Variants in DYNC2H1 observed in about 807,000 individuals in gnomAD.
The protein encoded by DYNC2H1 is dynein cytoplasmic 2 heavy chain 1.
DYNC2H1 carries 410 observed loss-of-function variants against 570.0 expected under a neutral mutation model. The ratio of observed to expected loss-of-function variants is 0.72; its 90% CI spans 0.66 to 0.78. DYNC2H1 has a LOEUF of 0.78. DYNC2H1 is among the 30% of genes least tolerant of loss of function. DYNC2H1 has a pLI of 0.00. For synonymous variants in DYNC2H1, 1,688 were observed against 1,677.6 expected (o/e 1.01, Z -0.15); for missense variants, 4,865 against 5,046.4 (o/e 0.96, Z 1.09).
intron 83 of DYNC2H1, among the ~76,000 whole-genome samples, chr11:103,364,016 G>T (rs1369160796): frequency 6.6e-6 from 1 of 152,032 alleles, no homozygotes; most frequent in African/African-American, 2.4e-5. Context: ...TAAAAAATAT[G>T]CAAATGTCTG....
chr11:103,433,130 A>G (rs1943952907), intron 84 of DYNC2H1, among the ~76,000 whole-genome samples: 2 of 152,044 alleles, frequency 1.3e-5, no homozygotes, highest in Admixed American at 1.3e-4. Flanking sequence ...CATCTCATGT[A>G]TCACTATCAT....
chr11:103,444,585 T>TA (rs964122123), intron 85 of DYNC2H1, among the ~76,000 whole-genome samples: 2 of 152,198 alleles, frequency 1.3e-5, no homozygotes, highest in African/African-American at 4.8e-5. Flanking sequence ...TTATTTCTAA[T>TA]ACATATAAGG....
rs2134696626 is a variant in DYNC2H1 at position 103,116,801 on chromosome 11, C to T, written c.766+87C>T. The T allele has an allele frequency of 2.5e-6, 3 of 1,224,232 alleles. No homozygotes were observed. In the South Asian group the frequency reaches 5.7e-5, roughly 23 times the overall value. 75.8% of individuals were successfully genotyped at this position (1,224,232 alleles called of 1,614,324 possible). The stretch of plus-strand genomic sequence containing the variant: ...ATCCTTTAAGTCCTTACTTAAAATG[C>T]TCCTTTATGTAATACTGTAACTCTT... On this transcript the variant is annotated intron_variant, in intron 5 of 88. Coordinates refer to ENST00000375735, the MANE Select transcript of DYNC2H1 (RefSeq NM_001377.3).
At chr11:103,276,833 T>A (rs1317843508) in intron 70 of DYNC2H1, among the ~76,000 whole-genome samples, 1 of 152,108 alleles carries the variant, frequency 6.6e-6, no homozygotes, top group Non-Finnish European at 1.5e-5. Context: ...TAGGAGCACA[T>A]ACGTGATCCC....
intron 79 of DYNC2H1, among the ~76,000 whole-genome samples, chr11:103,315,284 C>T (rs1937761047): frequency 6.6e-6 from 1 of 151,990 alleles, no homozygotes; most frequent in Non-Finnish European, 1.5e-5. Flanking sequence ...AGATATTTGC[C>T]TCTTGTTTAT....
chr11:103,415,593 CAAT>C (rs1943253558), intron 84 of DYNC2H1, among the ~76,000 whole-genome samples: 1 of 152,158 alleles, frequency 6.6e-6, no homozygotes, highest in Admixed American at 6.5e-5. Context: ...ATCAAAACCA[CAAT>C]GAGATACCAT....
chr11:103,314,254 TCTATATG>T (rs940272783), intron 79 of DYNC2H1, among the ~76,000 whole-genome samples: 7 of 152,168 alleles, frequency 4.6e-5, no homozygotes, highest in Non-Finnish European at 8.8e-5. Flanking sequence ...CATATTAATT[TCTATATG>T]CATTTATGTT....
chr11:103,199,540 TCTTTAAAGAC>T lies in DYNC2H1; in HGVS notation c.8088+67_8088+76del. On this transcript the variant is annotated intron_variant, in intron 49 of 88. Coordinates refer to ENST00000375735, the MANE Select transcript of DYNC2H1 (RefSeq NM_001377.3). This position sits in a 1 kb window ranked among gnomAD's most constrained non-coding sequence, Gnocchi z 4.6. ...ATTACATTGGTTATTACTCTAAACA[TCTTTAAAGAC>T]CTAAAGGTTTAAAGAACTAAAGTTT... 7.2e-7 allele frequency: 1 copy of T among 1,392,558 alleles called. No homozygotes were observed. The highest frequency in any genetic ancestry group is 9.4e-7 in the Non-Finnish European group (1 of 1,066,250). 86.3% of individuals were successfully genotyped at this position (1,392,558 alleles called of 1,614,324 possible).
chr11:103,197,118 T>A (rs1862533619), intron 47 of DYNC2H1, among the ~76,000 whole-genome samples: 1 of 151,722 alleles, frequency 6.6e-6, no homozygotes, highest in Admixed American at 6.6e-5. Flanking sequence ...TGTTTTCTAA[T>A]TGAAATTTGG....
At chr11:103,354,370 A>G (rs1469705406) in intron 82 of DYNC2H1, among the ~76,000 whole-genome samples, 1 of 151,682 alleles carries the variant, frequency 6.6e-6, no homozygotes, top group Non-Finnish European at 1.5e-5. Flanking sequence ...CTCAATGGTT[A>G]TACTAAATTT....
chr11:103,133,669 A>G lies in DYNC2H1; in HGVS notation c.2068A>G (p.Arg690Gly). Residue 690 changes from arginine (R) to glycine (G), a missense_variant, in exon 14 of 89, where the codon AGA becomes GGA. By Grantham distance (125) the Arg-to-Gly change is moderately radical. Coordinates refer to ENST00000375735, the MANE Select transcript of DYNC2H1 (RefSeq NM_001377.3). The surrounding 1 kb of genome is among the most constrained non-coding windows in gnomAD (Gnocchi z 4.8). ...NAAERLATEN[R>G]KLRKWHTTFC... ...TGCTGAACGGCTTGCCACTGAAAAT[A>G]GAAAACTGAGAAAATGGCACACTAC... The G allele has an allele frequency of 1.2e-6, 2 of 1,612,368 alleles. No individual in the cohort carries two copies. Among genetic ancestry groups the G allele is most frequent in the Non-Finnish European group, 1.7e-6 (2 of 1,179,108 alleles).
rs118097068 is a variant in DYNC2H1, at chr11:103,290,195, T to G, written c.11095+2590T>G. 8.4e-3 allele frequency among the ~76,000 whole-genome samples: 1,281 copies of G among 152,136 alleles called. 15 individuals carry two copies. Among genetic ancestry groups the G allele is most frequent in the Non-Finnish European group, 0.014 (944 of 68,002 alleles). On this transcript the variant is annotated intron_variant, in intron 75 of 88. Coordinates refer to ENST00000375735, the MANE Select transcript of DYNC2H1 (RefSeq NM_001377.3). ...CTTCAACATATCTTTTTTTTTGGGTTGGGGGGAGACACAATTTAACCCATA... is the reference window on the plus strand; with the variant it reads ...CTTCAACATATCTTTTTTTTTGGGTGGGGGGGAGACACAATTTAACCCATA...
intron 63 of DYNC2H1, among the ~76,000 whole-genome samples, chr11:103,238,861 G>A (rs1317584179): frequency 4.6e-5 from 7 of 152,172 alleles, no homozygotes; most frequent in Admixed American, 6.5e-5. Context: ...GTATTTGAGA[G>A]ACAGGGAAAA....
At chr11:103,195,006 C>A (rs1312449956) in intron 47 of DYNC2H1, among the ~76,000 whole-genome samples, 1 of 152,218 alleles carries the variant, frequency 6.6e-6, no homozygotes, top group Non-Finnish European at 1.5e-5. Flanking sequence ...GCATGAGCCA[C>A]TGCAGCCAGC....
intron 77 of DYNC2H1, 90 bp downstream of exon 77, chr11:103,304,810 TATG>T: frequency 4.0e-6 from 5 of 1,248,444 alleles, no homozygotes; most frequent in South Asian, 2.5e-5. Flanking sequence ...ATGCATTATT[TATG>T]ATGATTTAAA....
chr11:103,222,453 A>G (rs1863624721), intron 58 of DYNC2H1, among the ~76,000 whole-genome samples: 1 of 151,974 alleles, frequency 6.6e-6, no homozygotes, highest in South Asian at 2.1e-4. Flanking sequence ...TTTCTTGTGT[A>G]CTTGTCAGAT....
In DYNC2H1 at chr11:103,479,443, G is replaced by A. The variant is rs1945675647; in HGVS notation, c.*190G>A. ...CATCTTTTAAAGTAATAAATTAATG[G>A]AGTTATTGTTAAAACAGAGTATTCT... is the stretch of plus-strand genomic sequence containing the variant. On this transcript the variant is annotated 3_prime_UTR_variant, in exon 89 of 89. Coordinates refer to ENST00000375735, the MANE Select transcript of DYNC2H1 (RefSeq NM_001377.3). 1 of 500,196 alleles carries A rather than the reference G, an allele frequency of 2.0e-6. No individual in the cohort carries two copies. 31.0% of individuals were successfully genotyped at this position (500,196 alleles called of 1,614,324 possible).
At chr11:103,221,658 C>A (rs1028747063) in intron 57 of DYNC2H1, among the ~76,000 whole-genome samples, 1 of 152,108 alleles carries the variant, frequency 6.6e-6, no homozygotes, top group African/African-American at 2.4e-5. Context: ...GAGTTTGAGA[C>A]CAGCCTGGGC....
rs1310094027 is a variant in DYNC2H1 at position 103,275,718 on chromosome 11, TA to T, written c.10696-4626del. The stretch of plus-strand genomic sequence containing the variant: ...TATCTCATTTCTTTTTAATGTTGAT[TA>T]AAATTCCTTTATCTGGAGGACCACA... On this transcript the variant is annotated intron_variant, in intron 70 of 88. Coordinates refer to ENST00000375735, the MANE Select transcript of DYNC2H1 (RefSeq NM_001377.3). The surrounding 1 kb of genome is among the most constrained non-coding windows in gnomAD (Gnocchi z 4.8). 2.4e-4 allele frequency among the ~76,000 whole-genome samples: 37 copies of T among 152,210 alleles called. No individual in the cohort carries two copies. Among genetic ancestry groups the T allele is most frequent in the Admixed American group, 5.2e-4 (8 of 15,274 alleles).
Sources: gnomAD v4.1 joint callset for allele counts (sites outside exome capture counted in the v4.1 genomes callset) on GRCh38, gnomAD v4.1.1 for gene constraint, Gnocchi (gnomAD v3.1) non-coding constraint, MANE v1.5 for transcripts, NCBI Gene and HGNC (gene_info 2026-07-23, HGNC 2026-07-21) for gene names.